EPB41L4B: variants seen among roughly 807,000 people sequenced by gnomAD.
The protein encoded by EPB41L4B is band 4.1-like protein 4B.
A neutral mutation model predicts 112.5 loss-of-function variants in EPB41L4B; 30 were observed. The observed-to-expected ratio is 0.27, with a 90% CI of 0.20 to 0.36. EPB41L4B has a LOEUF of 0.36. EPB41L4B is among the 10% of genes least tolerant of loss of function. The pLI, the probability that EPB41L4B is intolerant of heterozygous loss-of-function variation, is 1.00. For synonymous variants in EPB41L4B, 408 were observed against 439.7 expected, an observed-to-expected ratio of 0.93 and a Z score of 0.90; for missense variants, 1,024 against 1,133.3, an observed-to-expected ratio of 0.90 and a Z score of 1.38.
At chr9:109,262,645 T>C (rs1479792238) in intron 6 of EPB41L4B, among the ~76,000 whole-genome samples, 2 of 152,194 alleles carry the variant, frequency 1.3e-5, no homozygotes, top group Non-Finnish European at 2.9e-5. Flanking sequence ...TTAAGAGCTT[T>C]CAAAGGTGTC....
chr9:109,231,025 G>GGT (rs1279636523), intron 15 of EPB41L4B, among the ~76,000 whole-genome samples: 10 of 152,174 alleles, frequency 6.6e-5, no homozygotes, highest in Admixed American at 6.5e-4. Flanking sequence ...TGGGCATAGT[G>GGT]GTGCACGCCT....
chr9:109,203,206 G>A (rs1832892201), intron 19 of EPB41L4B, among the ~76,000 whole-genome samples: 1 of 152,136 alleles, frequency 6.6e-6, no homozygotes, highest in African/African-American at 2.4e-5. Context: ...TGTGGCTCCA[G>A]CACTAACAAG....
At chr9:109,271,345 G>A (rs976445723) in intron 2 of EPB41L4B, among the ~76,000 whole-genome samples, 4 of 152,208 alleles carry the variant, frequency 2.6e-5, no homozygotes, top group Admixed American at 6.5e-5. Context: ...AATCAGAAAC[G>A]GCTTCCTCAT....
chr9:109,291,132 A>C (rs907206265), intron 1 of EPB41L4B, among the ~76,000 whole-genome samples: 2 of 152,210 alleles, frequency 1.3e-5, no homozygotes, highest in Non-Finnish European at 2.9e-5. Context: ...CAGGGAAATT[A>C]CATCATCAGT....
At chr9:109,262,452 G>GGGT (rs1554756265) in intron 6 of EPB41L4B, among the ~76,000 whole-genome samples, 2 of 149,656 alleles carry the variant, frequency 1.3e-5, no homozygotes, top group African/African-American at 2.5e-5. Flanking sequence ...TGTGTGTGGG[G>GGGT]GTGTGTGTGT....
intron 2 of EPB41L4B, among the ~76,000 whole-genome samples, chr9:109,275,882 T>G (rs1245176943): frequency 1.3e-5 from 2 of 151,946 alleles, no homozygotes; most frequent in Non-Finnish European, 2.9e-5. Flanking sequence ...TAGAAGATGG[T>G]AAAAGAAAGA....
intron 1 of EPB41L4B, among the ~76,000 whole-genome samples, chr9:109,289,451 A>G (rs929224078): frequency 6.6e-6 from 1 of 152,178 alleles, no homozygotes; most frequent in African/African-American, 2.4e-5. Context: ...ACCCTGCCCT[A>G]TTCATATTTG....
intron 15 of EPB41L4B, among the ~76,000 whole-genome samples, chr9:109,243,251 AAACCCCATGAC>A (rs1288645712): frequency 6.6e-6 from 1 of 151,572 alleles, no homozygotes; most frequent in Non-Finnish European, 1.5e-5. Context: ...AAAAAAAAAA[AAACCCCATGAC>A]AACAAAATCC....
intron 15 of EPB41L4B, among the ~76,000 whole-genome samples, chr9:109,231,613 T>C (rs1326359251): frequency 2.6e-5 from 4 of 152,240 alleles, no homozygotes; most frequent in Non-Finnish European, 2.9e-5. Context: ...TGGGGTTCAG[T>C]AGTTCCTGGG....
At chr9:109,229,555 G>A (rs1236741255) in intron 15 of EPB41L4B, among the ~76,000 whole-genome samples, 1 of 152,222 alleles carries the variant, frequency 6.6e-6, no homozygotes, top group Non-Finnish European at 1.5e-5. Context: ...GGCGGGATCA[G>A]TGTATATGTA....
At chr9:109,264,599 C>CATA (rs1835333488) in intron 5 of EPB41L4B, among the ~76,000 whole-genome samples, 1 of 152,194 alleles carries the variant, frequency 6.6e-6, no homozygotes, top group African/African-American at 2.4e-5. Flanking sequence ...CTTTCCATTA[C>CATA]ATATATGCAG....
At chr9:109,263,226 T>A in intron 5 of EPB41L4B, 124 bp from the exon 6 acceptor site, 2 of 691,550 alleles carry the variant, frequency 2.9e-6, no homozygotes, top group Non-Finnish European at 4.9e-6. Flanking sequence ...CTTAGTCATA[T>A]TTTTGCTGTC....
intron 18 of EPB41L4B, among the ~76,000 whole-genome samples, chr9:109,205,352 A>G (rs893817820): frequency 3.3e-5 from 5 of 152,252 alleles, no homozygotes; most frequent in African/African-American, 4.8e-5. Context: ...TTTACAAAAT[A>G]GAATATTTTC....
chr9:109,234,920 C>T (rs1396979081), intron 15 of EPB41L4B, among the ~76,000 whole-genome samples: 1 of 152,222 alleles, frequency 6.6e-6, no homozygotes, highest in African/African-American at 2.4e-5. Context: ...CCTTTTGTTA[C>T]TAACTTTCCA....
At chr9:109,224,145 G>T (rs376352191) in intron 15 of EPB41L4B, among the ~76,000 whole-genome samples, 3 of 152,326 alleles carry the variant, frequency 2.0e-5, no homozygotes, top group East Asian at 1.9e-4. Context: ...GTTCCTCAAA[G>T]AGTTGAACAT....
At chr9:109,256,743 G>T (rs1019516476) in intron 7 of EPB41L4B, among the ~76,000 whole-genome samples, 2 of 152,224 alleles carry the variant, frequency 1.3e-5, no homozygotes, top group African/African-American at 4.8e-5. Flanking sequence ...AGGAGTTCGA[G>T]ACCAGCCTGA....
chr9:109,260,046 G>A (rs993023805), intron 6 of EPB41L4B, among the ~76,000 whole-genome samples: 1 of 152,028 alleles, frequency 6.6e-6, no homozygotes, highest in South Asian at 2.1e-4. Context: ...CAAGAGCCTC[G>A]CCTTGTGTCT....
rs559859286 is a variant in EPB41L4B at position 109,203,791 on chromosome 9, T to G, written c.1879-61A>C. 134 of 1,354,434 alleles carry G rather than the reference T, an allele frequency of 9.9e-5. 1 individual carries two copies. In the East Asian group the frequency reaches 1.5e-3, roughly 16 times the overall value. 83.9% of individuals were successfully genotyped at this position (1,354,434 alleles called of 1,614,324 possible). Reference sequence around the variant, plus strand: ...ATATGTTGGCATGCAAAAAATGTTTTCAAGTCTCTTACATTCAAAAGATTA... The same window carrying G: ...ATATGTTGGCATGCAAAAAATGTTTGCAAGTCTCTTACATTCAAAAGATTA... On this transcript the variant is annotated intron_variant, in intron 18 of 25. Coordinates refer to ENST00000374566, the MANE Select transcript of EPB41L4B (RefSeq NM_019114.5).
intron 17 of EPB41L4B, among the ~76,000 whole-genome samples, chr9:109,211,576 C>T (rs1266620432): frequency 7.2e-6 from 1 of 138,830 alleles, no homozygotes; most frequent in Non-Finnish European, 1.5e-5. Flanking sequence ...GCCTGGGAGA[C>T]AGAGTGAGAC....
Sources: allele counts gnomAD v4.1 joint callset (sites outside exome capture counted in the v4.1 genomes callset), GRCh38; gene constraint gnomAD v4.1.1; transcripts MANE v1.5; gene names NCBI Gene and HGNC (gene_info 2026-07-23, HGNC 2026-07-21).